Variants in HPSE2 observed in about 807,000 individuals in gnomAD.
HPSE2 encodes the protein heparanase 2 (inactive), also known as inactive heparanase-2.
In HPSE2, 38 loss-of-function variants were observed where a neutral mutation model predicts 60.5. That is an observed-to-expected ratio of 0.63 (90% confidence interval 0.48 to 0.82). HPSE2 has a LOEUF of 0.82. Among genes scored for constraint, HPSE2 ranks in the 40% least tolerant of loss-of-function variants. HPSE2 has a pLI of 0.00. For missense variants in HPSE2, 713 were observed against 740.4 expected, an observed-to-expected ratio of 0.96 and a Z score of 0.43; for synonymous variants, 295 against 293.2, an observed-to-expected ratio of 1.01 and a Z score of -0.06.
intron 3 of HPSE2, among the ~76,000 whole-genome samples, chr10:98,943,911 AT>A (rs1272690583): frequency 6.6e-6 from 1 of 152,122 alleles, no homozygotes; most frequent in Non-Finnish European, 1.5e-5. Flanking sequence ...GCAGCTTCCA[AT>A]TTTTTCCCCA....
chr10:99,154,958 C>A (rs1846470107), intron 2 of HPSE2, among the ~76,000 whole-genome samples: 1 of 151,454 alleles, frequency 6.6e-6, no homozygotes. Flanking sequence ...CAATCCTAGT[C>A]TCTCATAAAA....
chr10:99,258,742 A>ACATCTTTGTAGTTGT, the HPSE2 span, among the ~76,000 whole-genome samples: 2 of 152,218 alleles, frequency 1.3e-5, no homozygotes, highest in African/African-American at 2.4e-5. Context: ...TTGATTTTTG[A>ACATCTTTGTAGTTGT]CAAAGATGCA....
At chr10:99,290,140 T>A in the HPSE2 span, among the ~76,000 whole-genome samples, 2 of 152,346 alleles carry the variant, frequency 1.3e-5, no homozygotes, top group Admixed American at 6.5e-5. Flanking sequence ...TTATTTTTTT[T>A]AACTTTACAT....
chr10:98,929,302 T>C (rs1320154983), intron 3 of HPSE2, among the ~76,000 whole-genome samples: 2 of 143,932 alleles, frequency 1.4e-5, no homozygotes, highest in Admixed American at 6.9e-5. Flanking sequence ...CCACTGTTTA[T>C]AACCTATAGC....
intron 2 of HPSE2, among the ~76,000 whole-genome samples, chr10:99,212,269 T>C (rs1475457376): frequency 6.6e-6 from 1 of 151,812 alleles, no homozygotes; most frequent in East Asian, 1.9e-4. Flanking sequence ...AGTACGGAAG[T>C]TCCTCAAGAA....
chr10:99,136,752 G>C (rs1242849421), intron 3 of HPSE2, among the ~76,000 whole-genome samples: 1 of 152,022 alleles, frequency 6.6e-6, no homozygotes, highest in Admixed American at 6.6e-5. Flanking sequence ...AAAATAATAA[G>C]AGCTACTTAT....
chr10:98,643,814 T>C (rs967589372), intron 6 of HPSE2, among the ~76,000 whole-genome samples: 41 of 152,304 alleles, frequency 2.7e-4, no homozygotes, highest in Admixed American at 7.8e-4. Flanking sequence ...TAACACACAT[T>C]TGAGGACATG....
intron 3 of HPSE2, among the ~76,000 whole-genome samples, chr10:98,875,857 T>C (rs1251515901): frequency 6.6e-6 from 1 of 152,058 alleles, no homozygotes; most frequent in Non-Finnish European, 1.5e-5. Flanking sequence ...TATGTAATTA[T>C]ATTTAAATAG....
At chr10:98,695,573 T>G (rs1948190188) in intron 5 of HPSE2, among the ~76,000 whole-genome samples, 1 of 152,202 alleles carries the variant, frequency 6.6e-6, no homozygotes, top group Non-Finnish European at 1.5e-5. Context: ...GTCAGTTCCA[T>G]TATATAGATT....
At chr10:99,161,129 G>T (rs1279710997) in intron 2 of HPSE2, among the ~76,000 whole-genome samples, 1 of 151,628 alleles carries the variant, frequency 6.6e-6, no homozygotes, top group Non-Finnish European at 1.5e-5. Context: ...GCTGAGGCAG[G>T]AAGACAGCTT....
intron 2 of HPSE2, among the ~76,000 whole-genome samples, chr10:99,205,548 C>T (rs143397022): frequency 1.5e-4 from 23 of 152,246 alleles, no homozygotes; most frequent in African/African-American, 5.3e-4. Flanking sequence ...CACCACTGCA[C>T]TCCTGCCTGG....
intron 3 of HPSE2, among the ~76,000 whole-genome samples, chr10:99,064,967 C>CA (rs1448065067): frequency 2.0e-5 from 3 of 152,074 alleles, no homozygotes; most frequent in African/African-American, 7.2e-5. Flanking sequence ...CTATTATTCT[C>CA]ATGTTTAAAG....
At chr10:98,778,272 G>GAGAGAGAGAGAGAGAGAC (rs1950387471) in intron 3 of HPSE2, among the ~76,000 whole-genome samples, 1 of 138,532 alleles carries the variant, frequency 7.2e-6, no homozygotes, top group Non-Finnish European at 1.6e-5. Context: ...GACAGAGAGA[G>GAGAGAGAGAGAGAGAGAC]AGAGAGAGAG....
chr10:98,942,399 C>T (rs1271508552), intron 3 of HPSE2, among the ~76,000 whole-genome samples: 1 of 148,380 alleles, frequency 6.7e-6, no homozygotes. Flanking sequence ...AAACAAACAA[C>T]CCCATCAAAA....
At chr10:99,048,165 C>T in intron 3 of HPSE2, 2 of 725,778 alleles carry the variant, frequency 2.8e-6, no homozygotes, top group Non-Finnish European at 4.8e-6. Context: ...CCTTTGATTG[C>T]TTGATCTCTC....
At chr10:98,937,131 T>C (rs570989934) in intron 3 of HPSE2, among the ~76,000 whole-genome samples, 1 of 144,198 alleles carries the variant, frequency 6.9e-6, no homozygotes, top group Admixed American at 6.9e-5. Context: ...GGAACAGCTC[T>C]GGTCTACAGC....
intron 6 of HPSE2, 103 bp from the exon 7 acceptor site, chr10:98,642,043 G>A (rs1157490203): frequency 3.2e-6 from 3 of 939,766 alleles, no homozygotes; most frequent in Non-Finnish European, 5.2e-6. Context: ...ACAAACCAGG[G>A]TTCCACTCGG....
At chr10:98,811,906 AT>A in intron 3 of HPSE2, among the ~76,000 whole-genome samples, 1 of 152,262 alleles carries the variant, frequency 6.6e-6, no homozygotes, top group East Asian at 1.9e-4. Flanking sequence ...ATACCTAGTC[AT>A]TTCATGGTTT....
chr10:98,890,816 A>T (rs562699629), intron 3 of HPSE2, among the ~76,000 whole-genome samples: 5 of 152,322 alleles, frequency 3.3e-5, no homozygotes, highest in African/African-American at 1.2e-4. Context: ...ATTAGAGGAT[A>T]TGCTTTTGAC....
Sources: allele counts gnomAD v4.1 joint callset (sites outside exome capture counted in the v4.1 genomes callset), GRCh38; gene constraint gnomAD v4.1.1; transcripts MANE v1.5; gene names NCBI Gene and HGNC (gene_info 2026-07-23, HGNC 2026-07-21).